PRUNE2: variants seen among roughly 807,000 people sequenced by gnomAD.
PRUNE2 encodes the protein protein prune homolog 2.
PRUNE2 carries 164 observed loss-of-function variants against 252.0 expected under a neutral mutation model. That is an observed-to-expected ratio of 0.65 (90% CI 0.57 to 0.74). PRUNE2 has a LOEUF of 0.74. PRUNE2 is among the 30% of genes least tolerant of loss of function. The pLI is 0.00. For synonymous variants in PRUNE2, 1,292 were observed against 1,350.2 expected (o/e 0.96, Z 0.94); for missense variants, 3,495 against 3,711.0 (o/e 0.94, Z 1.51).
At chr9:76,837,304 T>C (rs953321935) in intron 4 of PRUNE2, among the ~76,000 whole-genome samples, 5 of 152,014 alleles carry the variant, frequency 3.3e-5, no homozygotes, top group African/African-American at 4.8e-5. Flanking sequence ...TAGCCAGGCG[T>C]GGTGGCGGGC....
chr9:76,760,840 C>T (rs567370900), intron 6 of PRUNE2, among the ~76,000 whole-genome samples: 2 of 152,146 alleles, frequency 1.3e-5, no homozygotes, highest in Non-Finnish European at 2.9e-5. Context: ...AATCCCAGCA[C>T]TTTGGGAGGT....
chr9:76,872,600 AACACACACACACAC>A (rs71354690), intron 1 of PRUNE2, among the ~76,000 whole-genome samples: 180 of 139,362 alleles, frequency 1.3e-3, no homozygotes, highest in African/African-American at 1.8e-3. Context: ...GATTATGGAA[AACACACACACACAC>A]ACACACACAC....
chr9:76,713,826 A>G, intron 6 of PRUNE2, 105 bp from the exon 7 acceptor site: 1 of 711,854 alleles, frequency 1.4e-6, no homozygotes, highest in Non-Finnish European at 2.2e-6. Flanking sequence ...AGAGATATTT[A>G]TTATTTAAGG....
intron 6 of PRUNE2, among the ~76,000 whole-genome samples, chr9:76,790,477 T>C (rs1175152535): frequency 4.6e-5 from 7 of 152,146 alleles, no homozygotes; most frequent in Admixed American, 4.6e-4. Context: ...CAGGCCACAA[T>C]AAAACTGCTA....
intron 12 of PRUNE2, chr9:76,642,106 A>C (rs1035338792): frequency 3.8e-5 from 28 of 736,120 alleles, no homozygotes; most frequent in Non-Finnish European, 5.6e-5. Context: ...TCCAAGTTCA[A>C]AAAAAAAGCC....
intron 6 of PRUNE2, among the ~76,000 whole-genome samples, chr9:76,724,689 G>A (rs1279911655): frequency 6.6e-6 from 1 of 152,154 alleles, no homozygotes; most frequent in Non-Finnish European, 1.5e-5. Flanking sequence ...ATACTTGAAT[G>A]GGGGAGTTTC....
intron 1 of PRUNE2, among the ~76,000 whole-genome samples, chr9:76,879,114 T>C (rs753481102): frequency 1.5e-4 from 23 of 152,198 alleles, no homozygotes; most frequent in Admixed American, 6.5e-5. Context: ...TTGAAAGATA[T>C]TGAGTTTAAC....
At position 76,611,506 on chromosome 9, in the gene PRUNE2, T is replaced by C. The variant is rs1169212198; in HGVS notation, c.*3064A>G. The C allele has an allele frequency of 6.6e-6, 1 of 152,242 alleles. No individual in the cohort carries two copies. Among genetic ancestry groups the C allele is most frequent in the Non-Finnish European group, 1.5e-5 (1 of 68,042 alleles). The allele number at this position is 152,242 out of a possible 1,614,324, so 9.4% of individuals were successfully genotyped here. A position where few individuals can be genotyped will look rare whatever the true frequency, so the allele number is the denominator to read the frequency against. On this transcript the variant is annotated 3_prime_UTR_variant, in exon 19 of 19. Transcript: ENST00000376718. Reference sequence around the variant, plus strand: ...CCAAAACGAAGTCTAACAGACACTTTATTCTGAGCAATCCAATGCATGATA... The same window carrying C: ...CCAAAACGAAGTCTAACAGACACTTCATTCTGAGCAATCCAATGCATGATA...
chr9:76,772,417 C>T (rs960501310), intron 6 of PRUNE2, among the ~76,000 whole-genome samples: 8 of 152,172 alleles, frequency 5.3e-5, no homozygotes, highest in Admixed American at 2.0e-4. Context: ...TAACCAATCA[C>T]TTGCTACGTA....
At chr9:76,820,634 A>G (rs2057983874) in intron 6 of PRUNE2, among the ~76,000 whole-genome samples, 1 of 152,224 alleles carries the variant, frequency 6.6e-6, no homozygotes, top group Non-Finnish European at 1.5e-5. Flanking sequence ...CATGCTGCAG[A>G]ACCTATAGTT....
At chr9:76,767,451 CA>C (rs33948203) in intron 6 of PRUNE2, among the ~76,000 whole-genome samples, 3,534 of 146,446 alleles carry the variant, frequency 0.024, 62 homozygotes, top group Middle Eastern at 0.029. Context: ...AACTCTGTCT[CA>C]AAAAAAAAAA....
intron 6 of PRUNE2, chr9:76,738,943 T>C (rs1333825848): frequency 1.3e-5 from 2 of 152,188 alleles, no homozygotes; most frequent in Non-Finnish European, 2.9e-5. Flanking sequence ...CATTAACCTT[T>C]CAAAGCCCTT....
At chr9:76,824,025 C>T (rs1414238256) in intron 5 of PRUNE2, among the ~76,000 whole-genome samples, 1 of 152,072 alleles carries the variant, frequency 6.6e-6, no homozygotes, top group Non-Finnish European at 1.5e-5. Flanking sequence ...GATGAGGCAT[C>T]CAGAGACTAG....
rs1281610433 is a variant in PRUNE2, at chr9:76,637,417, C to G, written c.8963+1G>C. On this transcript the variant is annotated splice_donor_variant, in intron 14 of 18. Transcript: ENST00000376718. LOFTEE classifies it high-confidence loss of function. ...GTGATTAAATAATAGAGCCCACATA[C>G]CGTCTGTCAATCATCTGGTAGCATT... The G allele has an allele frequency of 1.9e-6, 3 of 1,613,430 alleles. No homozygotes were observed. The South Asian group carries it at 3.3e-5, about 18-fold the overall frequency.
chr9:76,723,294 G>C (rs1299268288), intron 6 of PRUNE2, among the ~76,000 whole-genome samples: 4 of 152,226 alleles, frequency 2.6e-5, no homozygotes, highest in Admixed American at 1.3e-4. Flanking sequence ...TGGTTATCCA[G>C]AAGTATCCTC....
chr9:76,855,082 A>ATATAT (rs1554811430), intron 1 of PRUNE2, among the ~76,000 whole-genome samples: 54 of 109,410 alleles, frequency 4.9e-4, no homozygotes, highest in Non-Finnish European at 7.5e-4. Flanking sequence ...AAAAAAAAAA[A>ATATAT]ATATATATAT....
chr9:76,847,620 T>G (rs1335861701), intron 3 of PRUNE2, among the ~76,000 whole-genome samples: 1 of 152,162 alleles, frequency 6.6e-6, no homozygotes, highest in African/African-American at 2.4e-5. Flanking sequence ...AAAACACTAC[T>G]GGGCCTATTT....
chr9:76,624,961 C>T lies in PRUNE2; in HGVS notation c.9150-471G>A, dbSNP rs575746484. 1,092 of 1,122,150 alleles carry T rather than the reference C, an allele frequency of 9.7e-4. 1 individual carries two copies. Among genetic ancestry groups the T allele is most frequent in the Non-Finnish European group, 1.2e-3 (988 of 824,386 alleles). The allele number at this position is 1,122,150 out of a possible 1,614,324, so 69.5% of individuals were successfully genotyped here. ...TCTGGTAGCTTGTTGAGGTCACCCA[C>T]AAGTAAAACACTGGTGTACACACAC... is the stretch of plus-strand genomic sequence containing the variant. On this transcript the variant is annotated intron_variant, in intron 16 of 18. Coordinates refer to ENST00000376718, the MANE Select transcript of PRUNE2 (RefSeq NM_015225.3).
intron 1 of PRUNE2, chr9:76,856,484 C>T (rs954719574): frequency 3.3e-5 from 5 of 152,122 alleles, no homozygotes; most frequent in African/African-American, 1.2e-4. Context: ...CGATTCATTA[C>T]CAAGCCCAAA....
Sources: gnomAD v4.1 joint callset for allele counts (sites outside exome capture counted in the v4.1 genomes callset) on GRCh38, gnomAD v4.1.1 for gene constraint, MANE v1.5 for transcripts, NCBI Gene and HGNC (gene_info 2026-07-23, HGNC 2026-07-21) for gene names.